TTN: variants seen among roughly 807,000 people sequenced by gnomAD.
TTN encodes the protein connectin.
TTN carries 1,525 observed loss-of-function variants against 3,223.0 expected under a neutral mutation model. The ratio of observed to expected loss-of-function variants is 0.47; its 90% CI spans 0.45 to 0.49. The LOEUF (loss-of-function observed/expected upper bound fraction) is 0.49. Ranked by LOEUF, TTN falls within the 20% of genes least tolerant of loss-of-function variation. The pLI is 0.00. For missense variants in TTN, 40,786 were observed against 43,424.0 expected, an observed-to-expected ratio of 0.94 and a Z score of 5.40; for synonymous variants, 14,094 against 15,161.0, an observed-to-expected ratio of 0.93 and a Z score of 5.17.
Position 178,770,324 on chromosome 2 carries a change from A to C in TTN, c.8381-4T>G. Reference sequence around the variant, plus strand: ...GGCTTTTTAATGATCTTGACAGCTAAGAGGAAAATTGGAGCAATTCAGTGA... The same window carrying C: ...GGCTTTTTAATGATCTTGACAGCTACGAGGAAAATTGGAGCAATTCAGTGA... On this transcript the variant is annotated splice_polypyrimidine_tract_variant and splice_region_variant and intron_variant, in intron 35 of 362. Transcript: ENST00000589042. The C allele has an allele frequency of 6.2e-7, 1 of 1,614,166 alleles. No individual in the cohort carries two copies. The highest frequency in any genetic ancestry group is 8.5e-7 in the Non-Finnish European group (1 of 1,180,020).
At position 178,618,053 on chromosome 2, in the gene TTN, G is replaced by A. The variant is rs1323015535; in HGVS notation, c.47298C>T (p.Thr15766=). ...CACCAAATCGATTCACATCAGTGAT[G>A]GTTACATTCAAAGGAGGGCCTGGAA... ...YDVPGPPLNV[T]ITDVNRFGVS... is the part of the protein sequence containing the mutation. Residue 15766 remains threonine, a synonymous_variant, in exon 253 of 363, where the codon ACC becomes ACT. Transcript: ENST00000589042. 2 of 1,612,306 alleles carry A rather than the reference G, an allele frequency of 1.2e-6. No homozygotes were observed. The highest frequency in any genetic ancestry group is 2.2e-5 in the East Asian group (1 of 44,582).
At position 178,704,301 on chromosome 2, in the gene TTN, T is replaced by G; in HGVS notation, c.30069A>C (p.Arg10023Ser). The G allele has an allele frequency of 6.2e-7, 1 of 1,614,052 alleles. No homozygotes were observed. Among genetic ancestry groups the G allele is most frequent in the Non-Finnish European group, 8.5e-7 (1 of 1,179,888 alleles). Residue 10023 changes from arginine (R) to serine (S), a missense_variant, in exon 106 of 363, where the codon AGA becomes AGC. By Grantham distance (110) the Arg-to-Ser change is moderately radical (BLOSUM62 -1). Coordinates refer to ENST00000589042, the MANE Select transcript of TTN (RefSeq NM_001267550.2). ...SVPNVKSEWF[R>S]NGRILKPQGR... ...CTTGGGGTTTAAGGATTCTGCCATT[T>G]CTGAACCATTCAGATTTTACATTTG...
chr2:178,794,071 G>A (rs2093646581), intron 8 of TTN, among the ~76,000 whole-genome samples: 1 of 152,206 alleles, frequency 6.6e-6, no homozygotes, highest in African/African-American at 2.4e-5. Flanking sequence ...AGTGTGTGCA[G>A]TGACTGAGCT....
chr2:178,768,289 C>T, intron 38 of TTN, 134 bp from the exon 39 acceptor site: 2 of 1,190,574 alleles, frequency 1.7e-6, no homozygotes, highest in South Asian at 2.7e-5. Flanking sequence ...GTAGCCATCA[C>T]CATAATTTTA....
chr2:178,722,318 G>C lies in TTN; in HGVS notation c.22469C>G (p.Ser7490Cys), dbSNP rs781659636. 6.2e-7 allele frequency: 1 copy of C among 1,612,426 alleles called. No individual in the cohort carries two copies. The highest frequency in any genetic ancestry group is 1.7e-5 in the Admixed American group (1 of 59,950). ...QTDLSHSGQYSCSASNPLGTA... is the reference protein window; with the variant it reads ...QTDLSHSGQYCCSASNPLGTA... ...TCCAAGTGGGTTGGAAGCTGAGCAA[G>C]AGTACTGGCCAGAGTGACTCAAGTC... is the stretch of plus-strand genomic sequence containing the variant. Residue 7490 changes from serine (S) to cysteine (C), a missense_variant, in exon 77 of 363, where the codon TCT (serine) becomes TGT (cysteine). By Grantham distance (112) the Ser-to-Cys change is moderately radical. Transcript: ENST00000589042.
intron 126 of TTN, 62 bp downstream of exon 126, chr2:178,688,615 G>T: frequency 8.9e-7 from 1 of 1,119,856 alleles, no homozygotes; most frequent in Non-Finnish European, 1.4e-6. Context: ...ACATGTGGAA[G>T]AAGAAGAGAC....
chr2:178,714,278 A>G lies in TTN; in HGVS notation c.26482+14T>C, dbSNP rs748288198. On this transcript the variant is annotated intron_variant, in intron 91 of 362. Transcript: ENST00000589042. ...TGTGCCTTGTATCTGTGATAACATCATCTTTTTACTAACCGAGAACGGATA... is the reference window on the plus strand; with the variant it reads ...TGTGCCTTGTATCTGTGATAACATCGTCTTTTTACTAACCGAGAACGGATA... 8.1e-6 allele frequency: 13 copies of G among 1,606,762 alleles called. No homozygotes were observed. Among genetic ancestry groups the G allele is most frequent in the Non-Finnish European group, 1.1e-5 (13 of 1,175,148 alleles).
chr2:178,679,723 A>C (rs2068899716), intron 140 of TTN, 41 bp from the exon 141 acceptor site: 2 of 1,572,202 alleles, frequency 1.3e-6, no homozygotes, highest in Admixed American at 4.0e-5. Flanking sequence ...TTTTGCAGGA[A>C]AGAAATAAAA....
chr2:178,590,510 T>C lies in TTN; in HGVS notation c.61215A>G (p.Gly20405=), dbSNP rs1220596514. ...CAGGTTTCTGACATTCCACTACATA[T>C]CCTAGAATGGGGCTACCACCATCAC... is the stretch of plus-strand genomic sequence containing the variant. ...PLSDGGSPIL[G]YVVECQKPGT... is the part of the protein sequence containing the mutation. The change falls in exon 304 of 363, where the codon GGA becomes GGG. Residue 20405 remains glycine, a synonymous_variant. Transcript: ENST00000589042. 2 of 1,612,960 alleles carry C rather than the reference T, an allele frequency of 1.2e-6. No individual in the cohort carries two copies. The highest frequency in any genetic ancestry group is 2.2e-5 in the East Asian group (1 of 44,790).
intron 10 of TTN, 42 bp from the exon 11 acceptor site, chr2:178,790,887 A>G (rs72647858): frequency 6.2e-7 from 1 of 1,611,196 alleles, no homozygotes; most frequent in Non-Finnish European, 8.5e-7. Context: ...TTCAAAAGAT[A>G]CAAAAGCAAT....
intron 78 of TTN, 45 bp from the exon 79 acceptor site, chr2:178,721,247 A>G (rs2078313742): frequency 7.2e-7 from 1 of 1,384,752 alleles, no homozygotes; most frequent in Non-Finnish European, 9.4e-7. Context: ...TTTATTATAC[A>G]TGTTAAAAGA....
rs1553529751 is a variant in TTN at position 178,548,296 on chromosome 2, G to A, written c.93330C>T (p.Ala31110=). 1.9e-6 allele frequency: 3 copies of A among 1,613,652 alleles called. No individual in the cohort carries two copies. The highest frequency in any genetic ancestry group is 2.2e-5 in the South Asian group (2 of 91,080). Residue 31110 remains alanine, a synonymous_variant, in exon 339 of 363, where the codon GCC becomes GCT. Coordinates refer to ENST00000589042, the MANE Select transcript of TTN (RefSeq NM_001267550.2). The surrounding 1 kb of genome is among the most constrained non-coding windows in gnomAD (Gnocchi z 4.3). Reference sequence around the variant, plus strand: ...TCCTAGGTGGAGCAGGCTGTTCTGTGGCTACAATTGGTTCTGGCATTTCAT... The same window carrying A: ...TCCTAGGTGGAGCAGGCTGTTCTGTAGCTACAATTGGTTCTGGCATTTCAT... ...EPYEMPEPIV[A]TEQPAPPRRL... is the part of the protein sequence containing the mutation.
chr2:178,579,206 A>G lies in TTN; in HGVS notation c.67824T>C (p.Leu22608=). 1 of 1,613,444 alleles carries G rather than the reference A, an allele frequency of 6.2e-7. No individual in the cohort carries two copies. Among genetic ancestry groups the G allele is most frequent in the Non-Finnish European group, 8.5e-7 (1 of 1,179,562 alleles). Reference sequence around the variant, plus strand: ...CAGATTTTTGGCAATCGTACACTATAAGAGTTGTGTTAACCGCAGATGACT... The same window carrying G: ...CAGATTTTTGGCAATCGTACACTATGAGAGTTGTGTTAACCGCAGATGACT... ...SVESSAVNTT[L]IVYDCQKSDA... Residue 22608 remains leucine (L), a synonymous_variant, in exon 320 of 363, where the codon CTT becomes CTC. Coordinates refer to ENST00000589042, the MANE Select transcript of TTN (RefSeq NM_001267550.2).
intron 356 of TTN, 92 bp from the exon 357 acceptor site, chr2:178,536,667 A>C: frequency 8.8e-7 from 1 of 1,134,406 alleles, no homozygotes; most frequent in Non-Finnish European, 1.2e-6. Context: ...TATGAGTCCA[A>C]AATTTTGTTA....
At chr2:178,700,287 C>T (rs1244135137) in intron 111 of TTN, among the ~76,000 whole-genome samples, 1 of 152,194 alleles carries the variant, frequency 6.6e-6, no homozygotes, top group Non-Finnish European at 1.5e-5. Context: ...TTGGAAGTTT[C>T]TAATTGAATT....
At chr2:178,553,866 G>T in intron 333 of TTN, 48 bp downstream of exon 333, 1 of 1,562,598 alleles carries the variant, frequency 6.4e-7, no homozygotes, top group South Asian at 1.2e-5. Flanking sequence ...AGTCACACAG[G>T]TGAATATAGA....
At chr2:178,755,651 C>A (rs1055084655) in intron 46 of TTN, among the ~76,000 whole-genome samples, 8 of 152,118 alleles carry the variant, frequency 5.3e-5, no homozygotes, top group African/African-American at 1.9e-4. Context: ...ACCATATTAG[C>A]CAGGCTGGTC....
chr2:178,714,941 A>G (rs1178635405), intron 90 of TTN, 45 bp downstream of exon 90: 3 of 1,566,108 alleles, frequency 1.9e-6, no homozygotes, highest in African/African-American at 2.7e-5. Flanking sequence ...GAGTATTACA[A>G]TTAGAAGGGA....
At position 178,563,885 on chromosome 2, in the gene TTN, G is replaced by A; in HGVS notation, c.82247C>T (p.Ser27416Phe). Reference protein sequence around the residue: ...IIEKRETSRLSWTQVSTEVQA... With the variant: ...IIEKRETSRLFWTQVSTEVQA... Reference sequence around the variant, plus strand: ...TACCTCAGTTGAAACCTGGGTCCAAGAGAGTCGGCTTGTCTCCCTCTTTTC... The same window carrying A: ...TACCTCAGTTGAAACCTGGGTCCAAAAGAGTCGGCTTGTCTCCCTCTTTTC... The change falls in exon 326 of 363, where the codon TCT becomes TTT. Residue 27416 changes from serine (S) to phenylalanine (F), a missense_variant. Physicochemically the swap from Ser to Phe is radical, Grantham distance 155. Transcript: ENST00000589042. This position sits in a 1 kb window ranked among gnomAD's most constrained non-coding sequence, Gnocchi z 4.5. 1.2e-6 allele frequency: 2 copies of A among 1,613,754 alleles called. No homozygotes were observed. The highest frequency in any genetic ancestry group is 1.7e-6 in the Non-Finnish European group (2 of 1,179,748).
Sources: allele counts gnomAD v4.1 joint callset (sites outside exome capture counted in the v4.1 genomes callset), GRCh38; gene constraint gnomAD v4.1.1; non-coding constraint Gnocchi (gnomAD v3.1); transcripts MANE v1.5; gene names NCBI Gene and HGNC (gene_info 2026-07-23, HGNC 2026-07-21).